ADAMTSL1: variants seen among roughly 807,000 people sequenced by gnomAD.
ADAMTSL1 encodes ADAMTS like 1.
A neutral mutation model predicts 201.8 loss-of-function variants in ADAMTSL1; 126 were observed. The observed-to-expected ratio is 0.62, with a 90% CI of 0.54 to 0.72. ADAMTSL1 has a LOEUF of 0.72. Ranked by LOEUF, ADAMTSL1 falls within the 30% of genes least tolerant of loss-of-function variation. The pLI, the probability that ADAMTSL1 is intolerant of heterozygous loss-of-function variation, is 0.00. For missense variants in ADAMTSL1, 2,679 were observed against 2,277.8 expected (o/e 1.18, Z -3.59); for synonymous variants, 1,121 against 903.4 (o/e 1.24, Z -4.32).
At chr9:18,799,844 T>G (rs1273697266) in intron 20 of ADAMTSL1, among the ~76,000 whole-genome samples, 1 of 152,196 alleles carries the variant, frequency 6.6e-6, no homozygotes, top group African/African-American at 2.4e-5. Flanking sequence ...AGGCAATCAT[T>G]TTTTAAAATT....
At chr9:18,520,493 T>TTGGCA (rs1476414639) in intron 2 of ADAMTSL1, among the ~76,000 whole-genome samples, 11 of 152,170 alleles carry the variant, frequency 7.2e-5, no homozygotes. Flanking sequence ...AAGAAACACT[T>TTGGCA]TTAAGTCTAG....
In ADAMTSL1 at chr9:18,636,288, C is replaced by A. The variant is rs10963691; in HGVS notation, c.676+271C>A. 5.9e-5 allele frequency among the ~76,000 whole-genome samples: 9 copies of A among 152,084 alleles called. No homozygotes were observed. The East Asian group carries it at 1.6e-3, about 26-fold the overall frequency. On this transcript the variant is annotated intron_variant, in intron 6 of 28. Coordinates refer to ENST00000380548, the MANE Select transcript of ADAMTSL1 (RefSeq NM_001040272.6). The stretch of plus-strand genomic sequence containing the variant: ...GGTTAAGCACATGTTTATGCTCTTG[C>A]GAGTGTTATATCTCATTCTCTTTCT...
intron 2 of ADAMTSL1, among the ~76,000 whole-genome samples, chr9:18,287,598 C>T (rs1007096665): frequency 8.3e-5 from 5 of 59,952 alleles, no homozygotes; most frequent in South Asian, 8.4e-4. Context: ...TATATACACA[C>T]ATATATGCAT....
At chr9:18,757,062 A>G (rs1283767878) in intron 16 of ADAMTSL1, among the ~76,000 whole-genome samples, 1 of 152,176 alleles carries the variant, frequency 6.6e-6, no homozygotes, top group Non-Finnish European at 1.5e-5. Context: ...TGAAACAGAA[A>G]TCTAATTCTA....
chr9:18,573,658 A>G (rs1204320964), intron 3 of ADAMTSL1, among the ~76,000 whole-genome samples: 2 of 152,176 alleles, frequency 1.3e-5, no homozygotes, highest in Admixed American at 6.5e-5. Context: ...ATTTCAACTA[A>G]TCCTCTGACT....
At chr9:18,742,623 T>A (rs910962344) in intron 15 of ADAMTSL1, among the ~76,000 whole-genome samples, 1 of 151,988 alleles carries the variant, frequency 6.6e-6, no homozygotes, top group Non-Finnish European at 1.5e-5. Flanking sequence ...GATCTTGAGG[T>A]AGGAACATGA....
chr9:18,634,573 C>T (rs1307792771), intron 5 of ADAMTSL1, among the ~76,000 whole-genome samples: 3 of 151,976 alleles, frequency 2.0e-5, no homozygotes, highest in South Asian at 4.2e-4. Flanking sequence ...AGTGCAGTGG[C>T]TCACGCCTGT....
At chr9:18,064,229 G>C (rs1263752177) in intron 1 of ADAMTSL1, among the ~76,000 whole-genome samples, 1 of 151,980 alleles carries the variant, frequency 6.6e-6, no homozygotes, top group Non-Finnish European at 1.5e-5. Flanking sequence ...GGTGTGGGTT[G>C]GGGGTGGGTT....
At chr9:18,274,417 T>G (rs1832507023) in intron 2 of ADAMTSL1, among the ~76,000 whole-genome samples, 1 of 152,196 alleles carries the variant, frequency 6.6e-6, no homozygotes, top group Admixed American at 6.5e-5. Context: ...AATAAGCAAG[T>G]TTTTCATCTA....
rs186907320 is a variant in ADAMTSL1 at position 18,588,714 on chromosome 9, A to G, written c.474+14448A>G. The stretch of plus-strand genomic sequence containing the variant: ...CCCAGAACCACTTATTGAAGAGACT[A>G]TTCCTTCCCCAGTGCATATTCTTGG... On this transcript the variant is annotated intron_variant, in intron 4 of 28. Transcript: ENST00000380548. 6.2e-3 allele frequency among the ~76,000 whole-genome samples: 938 copies of G among 151,688 alleles called. 7 individuals carry two copies. Among genetic ancestry groups the G allele is most frequent in the African/African-American group, 0.022 (899 of 41,404 alleles).
chr9:18,084,811 C>T (rs984928366), intron 1 of ADAMTSL1, among the ~76,000 whole-genome samples: 1 of 150,818 alleles, frequency 6.6e-6, no homozygotes, highest in African/African-American at 2.4e-5. Flanking sequence ...TACAATCATG[C>T]AACTTAACAT....
chr9:18,366,645 T>G (rs1314655335), intron 2 of ADAMTSL1, among the ~76,000 whole-genome samples: 3 of 27,190 alleles, frequency 1.1e-4, no homozygotes, highest in Non-Finnish European at 2.8e-4. Flanking sequence ...TTTTTTTTTT[T>G]TTTTTTTTTT....
At chr9:18,286,799 CAT>C (rs1481819036) in intron 2 of ADAMTSL1, among the ~76,000 whole-genome samples, 2 of 152,104 alleles carry the variant, frequency 1.3e-5, no homozygotes, top group Non-Finnish European at 2.9e-5. Flanking sequence ...CTATAAAAAA[CAT>C]ATAATTAATT....
chr9:18,734,188 G>C (rs181670070), intron 15 of ADAMTSL1, among the ~76,000 whole-genome samples: 1 of 152,138 alleles, frequency 6.6e-6, no homozygotes, highest in Non-Finnish European at 1.5e-5. Flanking sequence ...ACAGTGCCTC[G>C]CTCATACTAA....
rs141672305 is a variant in ADAMTSL1 at position 18,835,942 on chromosome 9, C to T, written c.4249+5965C>T. 3.9e-3 allele frequency among the ~76,000 whole-genome samples: 599 copies of T among 152,242 alleles called. 6 individuals are homozygous for T. Among genetic ancestry groups the T allele is most frequent in the African/African-American group, 0.013 (554 of 41,572 alleles). On this transcript the variant is annotated intron_variant, in intron 23 of 28. Transcript: ENST00000380548. ...CTAGGTTGATTCCATGTCTTTGCTA[C>T]TGTGAATAGTGCTGCAATGAACACA... is the stretch of plus-strand genomic sequence containing the variant.
intron 12 of ADAMTSL1, among the ~76,000 whole-genome samples, chr9:18,683,091 T>A (rs111847656): frequency 0.011 from 1,606 of 152,320 alleles, 41 homozygotes; most frequent in African/African-American, 0.037. Context: ...TTGCCACAGG[T>A]GCGTCTGACA....
intron 9 of ADAMTSL1, among the ~76,000 whole-genome samples, chr9:18,673,559 C>G (rs916558209): frequency 6.6e-6 from 1 of 152,182 alleles, no homozygotes; most frequent in African/African-American, 2.4e-5. Context: ...AAGCAAAGTT[C>G]AACGTCTTGA....
At chr9:18,184,892 C>T (rs1043188270) in intron 2 of ADAMTSL1, among the ~76,000 whole-genome samples, 2 of 152,174 alleles carry the variant, frequency 1.3e-5, no homozygotes, top group African/African-American at 2.4e-5. Flanking sequence ...CTGTAACTAA[C>T]TCACGAAAGG....
At chr9:18,418,039 T>A (rs562916415) in intron 2 of ADAMTSL1, among the ~76,000 whole-genome samples, 1 of 152,318 alleles carries the variant, frequency 6.6e-6, no homozygotes, top group South Asian at 2.1e-4. Flanking sequence ...TCTAGGCTAA[T>A]TTATTACTTT....
Sources: allele counts gnomAD v4.1 joint callset (sites outside exome capture counted in the v4.1 genomes callset), GRCh38; gene constraint gnomAD v4.1.1; transcripts MANE v1.5; gene names NCBI Gene and HGNC (gene_info 2026-07-23, HGNC 2026-07-21).